The following STX2 variants were observed in gnomAD, a reference collection of about 807,000 sequenced individuals.
STX2 encodes the protein syntaxin-2.
STX2 carries 27 observed loss-of-function variants against 40.6 expected under a neutral mutation model. That is an observed-to-expected ratio of 0.66 (90% CI 0.49 to 0.92). The LOEUF (loss-of-function observed/expected upper bound fraction) is 0.92, where lower values mean the gene tolerates loss of function less well. Among genes scored for constraint, STX2 ranks in the 40% least tolerant of loss-of-function variants. The pLI is 0.00. For synonymous variants in STX2, 123 were observed against 119.1 expected (o/e 1.03, Z -0.22); for missense variants, 328 against 366.1 (o/e 0.90, Z 0.85).
At chr12:130,797,100 T>A (rs1951054057) in intron 9 of STX2, among the ~76,000 whole-genome samples, 2 of 152,068 alleles carry the variant, frequency 1.3e-5, no homozygotes, top group South Asian at 4.1e-4. Flanking sequence ...CTCTGACGAG[T>A]TTATACGCCA....
intron 4 of STX2, chr12:130,810,632 C>T (rs1351149466): frequency 6.6e-6 from 1 of 152,196 alleles, no homozygotes; most frequent in African/African-American, 2.4e-5. Context: ...CAAGAGTCCA[C>T]CCTACTAGCC....
At chr12:130,801,819 G>C (rs907949130) in intron 6 of STX2, among the ~76,000 whole-genome samples, 24 of 152,288 alleles carry the variant, frequency 1.6e-4, no homozygotes, top group African/African-American at 5.8e-4. Context: ...ATGTAAAAGG[G>C]GGTTGAGCTG....
At chr12:130,798,439 C>A in intron 9 of STX2, 86 bp downstream of exon 9, 2 of 801,100 alleles carry the variant, frequency 2.5e-6, no homozygotes, top group Non-Finnish European at 1.9e-6. Flanking sequence ...CTTGGAATAC[C>A]TTTTAGGCAG....
At chr12:130,825,897 A>G (rs2136332269) in intron 2 of STX2, among the ~76,000 whole-genome samples, 1 of 152,324 alleles carries the variant, frequency 6.6e-6, no homozygotes, top group African/African-American at 2.4e-5. Context: ...TACAAGGTCA[A>G]TATATTTGTT....
chr12:130,818,088 G>A (rs1313194845), intron 3 of STX2, among the ~76,000 whole-genome samples: 1 of 148,660 alleles, frequency 6.7e-6, no homozygotes, highest in East Asian at 2.0e-4. Context: ...GTTTCTGAAG[G>A]GAGAAGGCCC....
rs1218215358 is a variant in STX2 at position 130,825,979 on chromosome 12, G to C, written c.105+1214C>G. Among the ~76,000 whole-genome samples, 5 of 152,206 alleles carry C rather than the reference G, an allele frequency of 3.3e-5. No homozygotes were observed. In the East Asian group the frequency reaches 7.7e-4, roughly 23 times the overall value. ...ATAATTCTTAGGTTTGAGAATTTCA[G>C]CAGGGCCTAAGCCCAAGAGCTGAGC... On this transcript the variant is annotated intron_variant, in intron 2 of 10. Coordinates refer to ENST00000392373, the MANE Select transcript of STX2 (RefSeq NM_194356.4).
intron 2 of STX2, among the ~76,000 whole-genome samples, chr12:130,825,906 T>C (rs1330640526): frequency 2.0e-5 from 3 of 152,224 alleles, no homozygotes; most frequent in Non-Finnish European, 4.4e-5. Context: ...AATATATTTG[T>C]TCTGTGACTC....
chr12:130,805,844 G>A (rs1307477252), intron 6 of STX2, among the ~76,000 whole-genome samples: 1 of 152,186 alleles, frequency 6.6e-6, no homozygotes, highest in East Asian at 1.9e-4. Context: ...AAACTTACCA[G>A]GCTCGCAAAG....
At chr12:130,795,230 C>G (rs1049184995) in intron 10 of STX2, among the ~76,000 whole-genome samples, 4 of 152,214 alleles carry the variant, frequency 2.6e-5, no homozygotes, top group Admixed American at 6.5e-5. Context: ...GAAGGATGTT[C>G]CTTTCAGTCA....
At chr12:130,803,476 T>C (rs1196116137) in intron 6 of STX2, among the ~76,000 whole-genome samples, 1 of 152,004 alleles carries the variant, frequency 6.6e-6, no homozygotes, top group East Asian at 1.9e-4. Context: ...AAATTTCAGC[T>C]TGGGCAACAT....
At chr12:130,828,670 T>C (rs1314362669) in intron 1 of STX2, among the ~76,000 whole-genome samples, 3 of 150,848 alleles carry the variant, frequency 2.0e-5, no homozygotes, top group African/African-American at 7.3e-5. Context: ...ATTGAGACCA[T>C]CCTGGCTAAC....
At chr12:130,811,071 G>A (rs1307352416) in intron 4 of STX2, 7 of 152,146 alleles carry the variant, frequency 4.6e-5, no homozygotes, top group African/African-American at 1.7e-4. Context: ...AAACAAAGAA[G>A]GAAGAATAAA....
chr12:130,834,910 A>G (rs1466683321), intron 1 of STX2, among the ~76,000 whole-genome samples: 1 of 152,240 alleles, frequency 6.6e-6, no homozygotes, highest in African/African-American at 2.4e-5. Context: ...TTCACTATAC[A>G]ACATTCTGCA....
At chr12:130,824,489 G>A (rs905097371) in intron 2 of STX2, among the ~76,000 whole-genome samples, 2 of 152,054 alleles carry the variant, frequency 1.3e-5, no homozygotes, top group Admixed American at 6.6e-5. Context: ...AATATACACC[G>A]CTGCTAACTC....
At chr12:130,835,615 C>T (rs1047800580) in intron 1 of STX2, among the ~76,000 whole-genome samples, 7 of 152,146 alleles carry the variant, frequency 4.6e-5, no homozygotes, top group Non-Finnish European at 4.4e-5. Context: ...CATTACACCT[C>T]GGTCACTCTT....
chr12:130,793,978 G>A (rs898849005), intron 10 of STX2, among the ~76,000 whole-genome samples: 3 of 152,106 alleles, frequency 2.0e-5, no homozygotes, highest in South Asian at 2.1e-4. Flanking sequence ...AGCCAGGCCC[G>A]GGGCACAGGA....
rs550917769 is a variant in STX2, at chr12:130,790,006, G to C, written c.*2017C>G. On this transcript the variant is annotated 3_prime_UTR_variant, in exon 11 of 11. Transcript: ENST00000392373. ...CCTTGAAGGAAAGGTGGGACATCACGGGAGGCAGGTCCCCCTGTGGACATG... is the reference window on the plus strand; with the variant it reads ...CCTTGAAGGAAAGGTGGGACATCACCGGAGGCAGGTCCCCCTGTGGACATG... 1 of 152,184 alleles carries C rather than the reference G, an allele frequency of 6.6e-6. No individual in the cohort carries two copies. The highest frequency in any genetic ancestry group is 2.4e-5 in the African/African-American group (1 of 41,426). The allele number at this position is 152,184 out of a possible 1,614,324, so 9.4% of individuals were successfully genotyped here. A position where few individuals can be genotyped will look rare whatever the true frequency, so the allele number is the denominator to read the frequency against.
At chr12:130,800,166 C>A (rs183560243) in intron 8 of STX2, among the ~76,000 whole-genome samples, 1 of 152,126 alleles carries the variant, frequency 6.6e-6, no homozygotes, top group Non-Finnish European at 1.5e-5. Context: ...TGAAAAATAA[C>A]GAGAAGACCT....
chr12:130,812,381 G>C lies in STX2; in HGVS notation c.280+576C>G, dbSNP rs1484348068. 4.4e-6 allele frequency: 2 copies of C among 454,722 alleles called. 1 individual carries two copies. Among genetic ancestry groups the C allele is most frequent in the South Asian group, 3.1e-5 (2 of 64,458 alleles). 28.2% of individuals were successfully genotyped at this position (454,722 alleles called of 1,614,324 possible). ...GCGGGTGCGGGTGGGAGCTCATGGAGAACTGTGGAGCTGGGGGGTCGGCTT... is the reference window on the plus strand; with the variant it reads ...GCGGGTGCGGGTGGGAGCTCATGGACAACTGTGGAGCTGGGGGGTCGGCTT... On this transcript the variant is annotated intron_variant, in intron 4 of 10. Coordinates refer to ENST00000392373, the MANE Select transcript of STX2 (RefSeq NM_194356.4).
Sources: gnomAD v4.1 joint callset for allele counts (sites outside exome capture counted in the v4.1 genomes callset) on GRCh38, gnomAD v4.1.1 for gene constraint, MANE v1.5 for transcripts, NCBI Gene and HGNC (gene_info 2026-07-23, HGNC 2026-07-21) for gene names.